Variants in PTPRG observed in about 807,000 individuals in gnomAD.
The protein encoded by PTPRG is protein tyrosine phosphatase receptor type G.
Under a neutral mutation model 165.3 loss-of-function variants are expected in PTPRG, and 102 were observed. The ratio of observed to expected loss-of-function variants is 0.62; its 90% confidence interval spans 0.53 to 0.73. PTPRG has a LOEUF of 0.73. Among genes scored for constraint, PTPRG ranks in the 30% least tolerant of loss-of-function variants. The pLI, the probability that PTPRG is intolerant of heterozygous loss-of-function variation, is 0.00. For missense variants in PTPRG, 1,866 were observed against 1,861.4 expected (o/e 1.00, Z -0.05); for synonymous variants, 675 against 669.5 (o/e 1.01, Z -0.13).
chr3:62,259,945 T>C (rs1267788373), intron 16 of PTPRG, among the ~76,000 whole-genome samples: 3 of 152,100 alleles, frequency 2.0e-5, no homozygotes, highest in Non-Finnish European at 4.4e-5. Flanking sequence ...AAAGCCTGGC[T>C]AAGGGAATGT....
chr3:62,093,518 G>A (rs1234476333), intron 5 of PTPRG, among the ~76,000 whole-genome samples: 1 of 152,208 alleles, frequency 6.6e-6, no homozygotes, highest in Non-Finnish European at 1.5e-5. Flanking sequence ...CACCTCATTG[G>A]CACCAAAAGA....
chr3:61,836,979 C>T (rs752831981), intron 2 of PTPRG, among the ~76,000 whole-genome samples: 5 of 152,150 alleles, frequency 3.3e-5, no homozygotes, highest in East Asian at 3.9e-4. Flanking sequence ...GGCACAATCT[C>T]GGCTTACTGC....
intron 2 of PTPRG, among the ~76,000 whole-genome samples, chr3:61,794,943 A>G (rs1230665749): frequency 6.6e-6 from 1 of 152,180 alleles, no homozygotes; most frequent in Non-Finnish European, 1.5e-5. Flanking sequence ...AATGAATACT[A>G]AGTTGGTGGT....
In PTPRG at chr3:62,228,531, A is replaced by G. The variant is rs1700819449; in HGVS notation, c.2289-2694A>G. On this transcript the variant is annotated intron_variant, in intron 13 of 29. Coordinates refer to ENST00000474889, the MANE Select transcript of PTPRG (RefSeq NM_002841.4). This position sits in a 1 kb window ranked among gnomAD's most constrained non-coding sequence, Gnocchi z 4.1. The stretch of plus-strand genomic sequence containing the variant: ...TCCATCTCAAAAAAAAAAAAGAAAG[A>G]AAGAAAAAAGAAAAAGAAAAAGGAC... Among the ~76,000 whole-genome samples the G allele has an allele frequency of 6.6e-6, 1 of 151,778 alleles. No homozygotes were observed. Among genetic ancestry groups the G allele is most frequent in the Admixed American group, 6.6e-5 (1 of 15,236 alleles).
intron 2 of PTPRG, among the ~76,000 whole-genome samples, chr3:61,953,015 T>A (rs2039935179): frequency 6.6e-6 from 1 of 152,208 alleles, no homozygotes; most frequent in Non-Finnish European, 1.5e-5. Context: ...TGGCTTCCAA[T>A]AGGTCTCAGG....
At chr3:61,833,015 G>C (rs2036348247) in intron 2 of PTPRG, among the ~76,000 whole-genome samples, 1 of 151,564 alleles carries the variant, frequency 6.6e-6, no homozygotes, top group South Asian at 2.1e-4. Context: ...TTCCATCCAG[G>C]TTGCTGTGAA....
chr3:61,672,771 G>A (rs1409172822), intron 1 of PTPRG, among the ~76,000 whole-genome samples: 1 of 142,040 alleles, frequency 7.0e-6, no homozygotes, highest in African/African-American at 2.9e-5. Context: ...AGAAGAGGGA[G>A]AGGGAGAGAG....
At chr3:61,822,525 A>G (rs927037241) in intron 2 of PTPRG, among the ~76,000 whole-genome samples, 1 of 152,242 alleles carries the variant, frequency 6.6e-6, no homozygotes, top group Non-Finnish European at 1.5e-5. Flanking sequence ...AAGGAAAGAA[A>G]AAAAATGCTT....
rs1700598456 is a variant in PTPRG at position 62,219,511 on chromosome 3, C to T, written c.2288+528C>T. On this transcript the variant is annotated intron_variant, in intron 13 of 29. Coordinates refer to ENST00000474889, the MANE Select transcript of PTPRG (RefSeq NM_002841.4). This position sits in a 1 kb window ranked among gnomAD's most constrained non-coding sequence, Gnocchi z 4.5. ...TAAGATTAAAATGGCAGATTGTAAG[C>T]TATCCGGATTCTCACTGCTTCTCAT... is the stretch of plus-strand genomic sequence containing the variant. Among the ~76,000 whole-genome samples, 1 of 152,176 alleles carries T rather than the reference C, an allele frequency of 6.6e-6. No homozygotes were observed. The highest frequency in any genetic ancestry group is 1.5e-5 in the Non-Finnish European group (1 of 68,026).
intron 5 of PTPRG, among the ~76,000 whole-genome samples, chr3:62,122,691 A>C (rs1703121819): frequency 6.6e-6 from 1 of 152,012 alleles, no homozygotes; most frequent in South Asian, 2.1e-4. Context: ...ATCGATGTTT[A>C]TTTGCTCCAT....
Position 62,186,405 on chromosome 3 carries a change from C to G in PTPRG, c.1034-5064C>G, listed in dbSNP as rs74777960. ...CTTGGTGGTCCCTGCCTGGGAGATG[C>G]TTGCAGCTCAGTCAGGGGGACACAG... On this transcript the variant is annotated intron_variant, in intron 8 of 29. Transcript: ENST00000474889. Among the ~76,000 whole-genome samples the G allele has an allele frequency of 1.9e-4, 29 of 152,042 alleles. 1 individual carries two copies. In the East Asian group the frequency reaches 5.4e-3, roughly 29 times the overall value.
At chr3:61,835,356 A>C (rs2036426473) in intron 2 of PTPRG, among the ~76,000 whole-genome samples, 1 of 151,996 alleles carries the variant, frequency 6.6e-6, no homozygotes, top group Non-Finnish European at 1.5e-5. Flanking sequence ...GGATCATGTC[A>C]TTCCTACTCC....
intron 1 of PTPRG, among the ~76,000 whole-genome samples, chr3:61,586,524 C>A (rs1245820007): frequency 5.9e-5 from 9 of 152,136 alleles, no homozygotes; most frequent in Non-Finnish European, 1.3e-4. Flanking sequence ...TCCTTCTGTT[C>A]GTTTGCACCA....
chr3:61,771,845 A>G (rs1323546459), intron 2 of PTPRG, among the ~76,000 whole-genome samples: 1 of 151,992 alleles, frequency 6.6e-6, no homozygotes, highest in Non-Finnish European at 1.5e-5. Context: ...GGGTCACCTG[A>G]GGTCAGGATT....
At chr3:62,110,650 AGCATTTGTATT>A (rs1702636998) in intron 5 of PTPRG, among the ~76,000 whole-genome samples, 1 of 152,168 alleles carries the variant, frequency 6.6e-6, no homozygotes, top group African/African-American at 2.4e-5. Context: ...CAGTCCCATT[AGCATTTGTATT>A]GCTTCATATT....
intron 2 of PTPRG, among the ~76,000 whole-genome samples, chr3:61,775,263 G>T (rs924433656): frequency 6.6e-6 from 1 of 152,058 alleles, no homozygotes; most frequent in Non-Finnish European, 1.5e-5. Flanking sequence ...TTGAGATGGG[G>T]TTTCACCATG....
At chr3:62,199,287 A>G (rs1700041083) in intron 10 of PTPRG, among the ~76,000 whole-genome samples, 1 of 152,138 alleles carries the variant, frequency 6.6e-6, no homozygotes, top group Non-Finnish European at 1.5e-5. Flanking sequence ...TGGGACCTAC[A>G]CACGTTTGAC....
intron 2 of PTPRG, among the ~76,000 whole-genome samples, chr3:61,801,864 A>G (rs1395093117): frequency 6.6e-6 from 1 of 152,052 alleles, no homozygotes; most frequent in Non-Finnish European, 1.5e-5. Flanking sequence ...CTAAAAATAC[A>G]CACACACAAA....
At chr3:61,817,087 ATATT>A (rs1279588086) in intron 2 of PTPRG, among the ~76,000 whole-genome samples, 2 of 132,240 alleles carry the variant, frequency 1.5e-5, no homozygotes, top group African/African-American at 5.6e-5. Flanking sequence ...TATATAATAT[ATATT>A]ACATATTATT....
Sources: allele counts gnomAD v4.1 joint callset (sites outside exome capture counted in the v4.1 genomes callset), GRCh38; gene constraint gnomAD v4.1.1; non-coding constraint Gnocchi (gnomAD v3.1); transcripts MANE v1.5; gene names NCBI Gene and HGNC (gene_info 2026-07-23, HGNC 2026-07-21).